Variants in CAT observed in about 807,000 individuals in gnomAD.
CAT encodes the protein epididymis secretory sperm binding protein.
Under a neutral mutation model 59.0 loss-of-function variants are expected in CAT, and 43 were observed. The observed-to-expected ratio is 0.73, with a 90% CI of 0.57 to 0.94. CAT has a LOEUF of 0.94. CAT is among the 40% of genes least tolerant of loss of function. The probability of loss-of-function intolerance (pLI) is 0.00; values close to 1 mark genes in which losing one functional copy is unlikely to be tolerated. For synonymous variants in CAT, 218 were observed against 230.9 expected (o/e 0.94, Z 0.51); for missense variants, 664 against 682.9 (o/e 0.97, Z 0.31).
intron 1 of CAT, among the ~76,000 whole-genome samples, chr11:34,446,594 A>G (rs1590299494): frequency 6.6e-6 from 1 of 152,174 alleles, no homozygotes; most frequent in Non-Finnish European, 1.5e-5. Flanking sequence ...AGAAGGGAAC[A>G]TGTGATGTGC....
intron 5 of CAT, among the ~76,000 whole-genome samples, 198 bp downstream of exon 5, chr11:34,453,392 T>TA (rs1268762489): frequency 6.6e-6 from 1 of 152,188 alleles, no homozygotes; most frequent in Non-Finnish European, 1.5e-5. Context: ...ATGATGATGA[T>TA]GATAGATAGC....
intron 8 of CAT, among the ~76,000 whole-genome samples, chr11:34,458,744 G>C (rs1216428615): frequency 2.0e-5 from 3 of 152,226 alleles, no homozygotes; most frequent in Non-Finnish European, 4.4e-5. Flanking sequence ...CAGTGGGACC[G>C]TGAGGCAGTC....
intron 10 of CAT, among the ~76,000 whole-genome samples, chr11:34,464,693 T>C (rs1856693410): frequency 6.6e-6 from 1 of 151,962 alleles, no homozygotes; most frequent in Non-Finnish European, 1.5e-5. Flanking sequence ...ATTCTCCATC[T>C]GTCTGCTTCT....
Position 34,453,836 on chromosome 11 carries a change from T to C in CAT, c.621T>C (p.Asp207=), listed in dbSNP as rs757152645. 6 of 1,613,562 alleles carry C rather than the reference T, an allele frequency of 3.7e-6. No individual in the cohort carries two copies. Among genetic ancestry groups the C allele is most frequent in the Non-Finnish European group, 5.1e-6 (6 of 1,179,572 alleles). ...SFLFSDRGIP[D]GHRHMNGYGS... is the part of the protein sequence containing the mutation. ...TGTTCAGTGATCGGGGGATTCCAGA[T>C]GGACATCGCCACATGAATGGATATG... is the stretch of plus-strand genomic sequence containing the variant. The change falls in exon 6 of 13, where the codon GAT becomes GAC. Residue 207 remains aspartate (D), a synonymous_variant. Transcript: ENST00000241052.
chr11:34,442,377 G>A (rs998884709), intron 1 of CAT, among the ~76,000 whole-genome samples: 2 of 152,104 alleles, frequency 1.3e-5, no homozygotes, highest in African/African-American at 4.8e-5. Context: ...TGAGGTGGGC[G>A]GATCACCTGA....
chr11:34,445,495 C>CAAAAAAAAA lies in CAT; in HGVS notation c.67-3678_67-3670dup, dbSNP rs58169234. ...TGGGCAATAGAGCGAGACTCCATCT[C>CAAAAAAAAA]AAAAAAAAAAAAAAAAAAAAAAAAA... On this transcript the variant is annotated intron_variant, in intron 1 of 12. Transcript: ENST00000241052. 5.0e-3 allele frequency among the ~76,000 whole-genome samples: 183 copies of CAAAAAAAAA among 36,286 alleles called. 8 individuals are homozygous for CAAAAAAAAA. The highest frequency in any genetic ancestry group is 8.4e-3 in the African/African-American group (68 of 8,100). 23.8% of individuals were successfully genotyped at this position (36,286 alleles called of 152,430 possible).
In CAT at chr11:34,449,222, A is replaced by G. The variant is rs376026582; in HGVS notation, c.97A>G (p.Asn33Asp). 1.9e-6 allele frequency: 3 copies of G among 1,614,184 alleles called. No individual in the cohort carries two copies. The highest frequency in any genetic ancestry group is 2.5e-6 in the Non-Finnish European group (3 of 1,179,984). The change falls in exon 2 of 13, where the codon AAC becomes GAC. Residue 33 changes from asparagine (N) to aspartate (D), a missense_variant. Transcript: ENST00000241052. ...TGATGTCCTGACCACTGGAGCTGGT[A>G]ACCCAGTAGGAGACAAACTTAATGT... ...KADVLTTGAG[N>D]PVGDKLNVIT...
At chr11:34,450,520 G>A (rs1856512149) in intron 2 of CAT, among the ~76,000 whole-genome samples, 1 of 152,170 alleles carries the variant, frequency 6.6e-6, no homozygotes, top group African/African-American at 2.4e-5. Flanking sequence ...TCCTGGATAA[G>A]GTTTCTCCCC....
chr11:34,455,247 G>A (rs1220805767), intron 6 of CAT, among the ~76,000 whole-genome samples: 1 of 152,154 alleles, frequency 6.6e-6, no homozygotes, highest in Admixed American at 6.5e-5. Flanking sequence ...GATTTCTGTG[G>A]TAGAAATAGA....
chr11:34,467,661 A>T (rs1423104870), intron 10 of CAT, among the ~76,000 whole-genome samples: 2 of 152,226 alleles, frequency 1.3e-5, no homozygotes, highest in African/African-American at 4.8e-5. Flanking sequence ...TTTTGATTTC[A>T]GAATGGGGCA....
chr11:34,466,480 T>TCA (rs1856718466), intron 10 of CAT, among the ~76,000 whole-genome samples: 2 of 151,916 alleles, frequency 1.3e-5, no homozygotes, highest in South Asian at 4.2e-4. Flanking sequence ...GATTAATAGG[T>TCA]TTGAGAAAAT....
Position 34,468,289 on chromosome 11 carries a change from T to C in CAT, c.1328T>C (p.Val443Ala). 1.2e-6 allele frequency: 2 copies of C among 1,612,638 alleles called. No homozygotes were observed. Among genetic ancestry groups the C allele is most frequent in the Non-Finnish European group, 1.7e-6 (2 of 1,178,644 alleles). The change falls in exon 11 of 13, where the codon GTG becomes GCG. Residue 443 changes from valine to alanine, a missense_variant and splice_region_variant. Transcript: ENST00000241052. ...GCACTTGCTCTTTTCTCTGAGCAGG[T>C]GCGGGCATTCTATGTGAACGTGCTG... ...NTANDDNVTQ[V>A]RAFYVNVLNE...
chr11:34,455,420 T>C (rs1051819930), intron 6 of CAT, among the ~76,000 whole-genome samples: 12 of 152,124 alleles, frequency 7.9e-5, no homozygotes, highest in African/African-American at 2.9e-4. Flanking sequence ...TTTTAATGTC[T>C]TGCTTGGAAA....
intron 4 of CAT, 30 bp from the exon 5 acceptor site, chr11:34,453,060 T>C (rs1271049936): frequency 7.2e-7 from 1 of 1,381,834 alleles, no homozygotes; most frequent in Admixed American, 1.7e-5. Context: ...ACTTAGTTTT[T>C]GGATTTTTTT....
intron 10 of CAT, among the ~76,000 whole-genome samples, chr11:34,465,015 C>A (rs552968777): frequency 3.9e-4 from 59 of 152,322 alleles, no homozygotes; most frequent in African/African-American, 1.3e-3. Flanking sequence ...TTCCAGTTGC[C>A]TATGGCTGCC....
At chr11:34,442,878 TG>T (rs568608261) in intron 1 of CAT, among the ~76,000 whole-genome samples, 3 of 152,224 alleles carry the variant, frequency 2.0e-5, no homozygotes, top group Non-Finnish European at 4.4e-5. Flanking sequence ...AGGCCACACC[TG>T]GGGTAGTCTA....
chr11:34,449,180 G>A lies in CAT; in HGVS notation c.67-12G>A. 6.2e-7 allele frequency: 1 copy of A among 1,613,170 alleles called. No homozygotes were observed. ...GCTAACTCTCCTGCACTTTCTTTCT[G>A]TGTTCCTGTAGAAAGCTGATGTCCT... On this transcript the variant is annotated splice_polypyrimidine_tract_variant and intron_variant, in intron 1 of 12. Transcript: ENST00000241052.
At chr11:34,458,403 C>T (rs1856614495) in intron 8 of CAT, among the ~76,000 whole-genome samples, 1 of 152,184 alleles carries the variant, frequency 6.6e-6, no homozygotes, top group Non-Finnish European at 1.5e-5. Context: ...AGTAGAATCA[C>T]TCCTCTTGGT....
intron 5 of CAT, 125 bp downstream of exon 5, chr11:34,453,319 C>G: frequency 1.3e-6 from 1 of 758,822 alleles, no homozygotes; most frequent in Non-Finnish European, 2.4e-6. Context: ...ATTTCTTGAT[C>G]GTGAAGAGTT....
Sources: allele counts gnomAD v4.1 joint callset (sites outside exome capture counted in the v4.1 genomes callset), GRCh38; gene constraint gnomAD v4.1.1; transcripts MANE v1.5; gene names NCBI Gene and HGNC (gene_info 2026-07-23, HGNC 2026-07-21).